Variants in ARAP1 observed in about 807,000 individuals in gnomAD.
ARAP1 encodes the protein ArfGAP with RhoGAP domain, ankyrin repeat and PH domain 1.
A neutral mutation model predicts 172.2 loss-of-function variants in ARAP1; 76 were observed. The observed-to-expected ratio is 0.44, with a 90% CI of 0.37 to 0.53. ARAP1 has a LOEUF of 0.53. Ranked by LOEUF, ARAP1 falls within the 20% of genes least tolerant of loss-of-function variation. The pLI is 0.00. For missense variants in ARAP1, 1,686 were observed against 1,977.5 expected, an observed-to-expected ratio of 0.85 and a Z score of 2.80; for synonymous variants, 804 against 803.3, an observed-to-expected ratio of 1.00 and a Z score of -0.01.
chr11:72,746,801 GAGTAC>G, intron 1 of ARAP1, among the ~76,000 whole-genome samples: 1 of 152,288 alleles, frequency 6.6e-6, no homozygotes, highest in South Asian at 2.1e-4. Context: ...CAGGGAAGTT[GAGTAC>G]AGTAAAGATA....
At chr11:72,694,463 G>A (rs1856086368) in intron 27 of ARAP1, among the ~76,000 whole-genome samples, 1 of 151,776 alleles carries the variant, frequency 6.6e-6, no homozygotes, top group Non-Finnish European at 1.5e-5. Context: ...TCTTCACCAA[G>A]TAACCCCTAC....
rs576893580 is a variant in ARAP1 at position 72,685,598 on chromosome 11, A to T, written c.*66T>A. 6.2e-7 allele frequency: 1 copy of T among 1,609,444 alleles called. No individual in the cohort carries two copies. Among genetic ancestry groups the T allele is most frequent in the Non-Finnish European group, 8.5e-7 (1 of 1,175,760 alleles). On this transcript the variant is annotated 3_prime_UTR_variant, in exon 35 of 35. Coordinates refer to ENST00000393609, the MANE Select transcript of ARAP1 (RefSeq NM_001040118.3). Reference sequence around the variant, plus strand: ...GCTGGCTCACATCAGGCCTTGGAGCATAAGGGGTGTCTGAACAGAAGGCTT... The same window carrying T: ...GCTGGCTCACATCAGGCCTTGGAGCTTAAGGGGTGTCTGAACAGAAGGCTT...
rs1271396603 is a variant in ARAP1 at position 72,685,344 on chromosome 11, G to A, written c.*320C>T. On this transcript the variant is annotated 3_prime_UTR_variant, in exon 35 of 35. Transcript: ENST00000393609. Reference sequence around the variant, plus strand: ...CCCAGGGCCTCACGCCTCTGAAAGGGTGGTGGTCCTCCCAAGTTCCTGACT... The same window carrying A: ...CCCAGGGCCTCACGCCTCTGAAAGGATGGTGGTCCTCCCAAGTTCCTGACT... 4.7e-6 allele frequency: 2 copies of A among 425,386 alleles called. No individual in the cohort carries two copies. Among genetic ancestry groups the A allele is most frequent in the Non-Finnish European group, 8.6e-6 (2 of 233,350 alleles). 26.4% of individuals were successfully genotyped at this position (425,386 alleles called of 1,614,324 possible). A position where few individuals can be genotyped will look rare whatever the true frequency, so the allele number is the denominator to read the frequency against.
At position 72,704,301 on chromosome 11, in the gene ARAP1, G is replaced by T; in HGVS notation, c.1843C>A (p.Arg615Ser). ...GGGGGCACGTTGGCTGCCCAGAAGCGGTTCCCAGCGCCATTCCCCAGCTGT... is the reference window on the plus strand; with the variant it reads ...GGGGGCACGTTGGCTGCCCAGAAGCTGTTCCCAGCGCCATTCCCCAGCTGT... ...FLQLGNGAGN[R>S]FWAANVPPSE... Residue 615 changes from arginine to serine, a missense_variant, in exon 14 of 35, where the codon CGC becomes AGC. Physicochemically the swap from Arg to Ser is moderately radical, Grantham distance 110. Coordinates refer to ENST00000393609, the MANE Select transcript of ARAP1 (RefSeq NM_001040118.3). 1 of 1,604,798 alleles carries T rather than the reference G, an allele frequency of 6.2e-7. No homozygotes were observed. The highest frequency in any genetic ancestry group is 2.2e-5 in the East Asian group (1 of 44,752).
At position 72,711,488 on chromosome 11, in the gene ARAP1, T is replaced by C. The variant is rs571796636; in HGVS notation, c.1034A>G (p.Tyr345Cys). The change falls in exon 8 of 35, where the codon TAT becomes TGT. Residue 345 changes from tyrosine (Y) to cysteine (C), a missense_variant. Physicochemically the swap from Tyr to Cys is radical, Grantham distance 194. This residue lies in a region of ARAP1 where 688 missense variants were observed against 856.9 expected (regional missense o/e 0.80). Transcript: ENST00000393609. Reference sequence around the variant, plus strand: ...ATCCAGTCTCACCCATCGTTTCTGATAGATGTAAGATCTGGAGAGGGAGAG... The same window carrying C: ...ATCCAGTCTCACCCATCGTTTCTGACAGATGTAAGATCTGGAGAGGGAGAG... ...DKNPPQGSYI[Y>C]QKRWVRLDTD... 1 of 1,612,660 alleles carries C rather than the reference T, an allele frequency of 6.2e-7. No individual in the cohort carries two copies. Among genetic ancestry groups the C allele is most frequent in the African/African-American group, 1.3e-5 (1 of 74,974 alleles).
At chr11:72,720,860 C>T (rs778716897) in intron 3 of ARAP1, among the ~76,000 whole-genome samples, 8 of 151,490 alleles carry the variant, frequency 5.3e-5, no homozygotes, top group Non-Finnish European at 1.2e-4. Context: ...TCTAAGCCCA[C>T]ACAACCTGTT....
Position 72,697,628 on chromosome 11 carries a change from T to G in ARAP1, c.2759A>C (p.Asn920Thr), listed in dbSNP as rs1412220836. 1 of 1,614,068 alleles carries G rather than the reference T, an allele frequency of 6.2e-7. No individual in the cohort carries two copies. Among genetic ancestry groups the G allele is most frequent in the Non-Finnish European group, 8.5e-7 (1 of 1,179,974 alleles). The change falls in exon 20 of 35, where the codon AAC becomes ACC. Residue 920 changes from asparagine (N) to threonine (T), a missense_variant. Physicochemically the swap from Asn to Thr is moderately conservative, Grantham distance 65. This residue lies in a region of ARAP1 where 274 missense variants were observed against 262.7 expected (regional missense o/e 1.04). Transcript: ENST00000393609. ...TCGCTCCACCAGCACCAGCACCTGG[T>G]TCTCACTGTCCCCCTGGATGGCTGT... ...QELSIQGDSE[N>T]QVLVLVERRR...
chr11:72,696,980 C>G lies in ARAP1; in HGVS notation c.3166+3G>C. 6.2e-7 allele frequency: 1 copy of G among 1,602,716 alleles called. No homozygotes were observed. Among genetic ancestry groups the G allele is most frequent in the South Asian group, 1.1e-5 (1 of 90,880 alleles). ...GAGGCTGGGCACGGGCTGCAGGGCC[C>G]ACCTGAGGCCTCCAGCCAGGTTAGG... On this transcript the variant is annotated splice_donor_region_variant and intron_variant, in intron 22 of 34. Transcript: ENST00000393609.
chr11:72,714,530 C>T (rs1251446211), intron 3 of ARAP1, among the ~76,000 whole-genome samples: 4 of 152,178 alleles, frequency 2.6e-5, no homozygotes. Flanking sequence ...CAGGCACCCT[C>T]TTTGGCCTGA....
Position 72,704,196 on chromosome 11 carries a change from G to A in ARAP1, c.1948C>T (p.Arg650Cys), listed in dbSNP as rs770843799. 4.3e-5 allele frequency: 69 copies of A among 1,613,928 alleles called. No individual in the cohort carries two copies. The highest frequency in any genetic ancestry group is 5.3e-5 in the Non-Finnish European group (62 of 1,180,010). Residue 650 changes from arginine to cysteine, a missense_variant, in exon 14 of 35, where the codon CGC becomes TGC. Arg to Cys is a radical substitution (Grantham distance 180). This residue lies in a region of ARAP1 where 688 missense variants were observed against 856.9 expected (regional missense o/e 0.80). Transcript: ENST00000393609. ...LEAKYREGKY[R>C]RYHPLFGNQE... ...TTGCCAAAGAGCGGGTGGTAGCGGC[G>A]GTACTTGCCCTCACGGTACTTGGCC...
At chr11:72,696,526 C>T in intron 23 of ARAP1, 23 bp downstream of exon 23, 1 of 1,480,180 alleles carries the variant, frequency 6.8e-7, no homozygotes. Flanking sequence ...CCCCCAGAAT[C>T]TCACAATGGT....
In ARAP1 at chr11:72,697,655, G is replaced by A. The variant is rs748242720; in HGVS notation, c.2738-6C>T. Reference sequence around the variant, plus strand: ...CTCACTGTCCCCCTGGATGGCTGTGGAGGGGTTAGTCAAGGTGAGGCCCAG... The same window carrying A: ...CTCACTGTCCCCCTGGATGGCTGTGAAGGGGTTAGTCAAGGTGAGGCCCAG... On this transcript the variant is annotated splice_polypyrimidine_tract_variant and splice_region_variant and intron_variant, in intron 19 of 34. Coordinates refer to ENST00000393609, the MANE Select transcript of ARAP1 (RefSeq NM_001040118.3). 4.3e-6 allele frequency: 7 copies of A among 1,614,062 alleles called. No homozygotes were observed. In the South Asian group the frequency reaches 6.6e-5, roughly 15 times the overall value.
Position 72,711,425 on chromosome 11 carries a change from C to G in ARAP1, c.1092+5G>C. ...GGGTCGCGTCAGGACTGATGCAGGCCTCACCTTGTTACTGTCAAAGTATCG... is the reference window on the plus strand; with the variant it reads ...GGGTCGCGTCAGGACTGATGCAGGCGTCACCTTGTTACTGTCAAAGTATCG... On this transcript the variant is annotated splice_donor_5th_base_variant and intron_variant, in intron 8 of 34. Coordinates refer to ENST00000393609, the MANE Select transcript of ARAP1 (RefSeq NM_001040118.3). The G allele has an allele frequency of 6.2e-7, 1 of 1,612,048 alleles. No homozygotes were observed. Among genetic ancestry groups the G allele is most frequent in the Non-Finnish European group, 8.5e-7 (1 of 1,178,232 alleles).
At chr11:72,688,717 C>A in intron 30 of ARAP1, 180 bp from the exon 31 acceptor site, 1 of 578,898 alleles carries the variant, frequency 1.7e-6, no homozygotes, top group Admixed American at 3.0e-5. Flanking sequence ...GCCCAACCAA[C>A]CTCCCAGCCC....
chr11:72,696,834 T>C, intron 22 of ARAP1, 149 bp downstream of exon 22: 1 of 1,000,810 alleles, frequency 1.0e-6, no homozygotes, highest in Non-Finnish European at 1.4e-6. Context: ...TGGCTCTGTA[T>C]GGAGCGGCGA....
intron 1 of ARAP1, among the ~76,000 whole-genome samples, chr11:72,740,833 G>C (rs573745540): frequency 6.6e-6 from 1 of 152,236 alleles, no homozygotes; most frequent in African/African-American, 2.4e-5. Flanking sequence ...CCCGAGGTTT[G>C]TCCTCAAGAC....
At chr11:72,691,074 C>T (rs1855914271) in intron 30 of ARAP1, among the ~76,000 whole-genome samples, 1 of 152,226 alleles carries the variant, frequency 6.6e-6, no homozygotes, top group East Asian at 1.9e-4. Flanking sequence ...CCTGCTGAGT[C>T]CTCAAGTCTG....
At chr11:72,748,164 T>A (rs1858425616) in intron 1 of ARAP1, among the ~76,000 whole-genome samples, 1 of 152,248 alleles carries the variant, frequency 6.6e-6, no homozygotes. Context: ...CTTAGCACAC[T>A]GCCTGGCACA....
At chr11:72,745,960 C>T (rs953105688) in intron 1 of ARAP1, among the ~76,000 whole-genome samples, 5 of 152,124 alleles carry the variant, frequency 3.3e-5, no homozygotes, top group African/African-American at 1.2e-4. Context: ...TCAAGCCCAG[C>T]CTTCTATACC....
Sources: allele counts gnomAD v4.1 joint callset (sites outside exome capture counted in the v4.1 genomes callset), GRCh38; gene constraint gnomAD v4.1.1; regional missense constraint gnomAD v4.1.1; transcripts MANE v1.5; gene names NCBI Gene and HGNC (gene_info 2026-07-23, HGNC 2026-07-21).